ARHGEF10L: variants seen among roughly 807,000 people sequenced by gnomAD.
ARHGEF10L encodes the protein Rho guanine nucleotide exchange factor 10 like.
Under a neutral mutation model 141.2 loss-of-function variants are expected in ARHGEF10L, and 69 were observed. The observed-to-expected ratio is 0.49, with a 90% CI of 0.40 to 0.60. The LOEUF (loss-of-function observed/expected upper bound fraction) is 0.60, where lower values mean the gene tolerates loss of function less well. Ranked by LOEUF, ARHGEF10L falls within the 20% of genes least tolerant of loss-of-function variation. The pLI is 0.00. For missense variants in ARHGEF10L, 1,482 were observed against 1,734.3 expected (o/e 0.85, Z 2.58); for synonymous variants, 711 against 718.5 (o/e 0.99, Z 0.17).
chr1:17,564,714 C>T (rs1301354963), intron 1 of ARHGEF10L, among the ~76,000 whole-genome samples: 1 of 152,120 alleles, frequency 6.6e-6, no homozygotes, highest in African/African-American at 2.4e-5. Flanking sequence ...TGAGAGTGGC[C>T]CCTGTCTCAG....
chr1:17,636,779 A>G (rs181984522), intron 18 of ARHGEF10L, among the ~76,000 whole-genome samples: 1 of 152,194 alleles, frequency 6.6e-6, no homozygotes, highest in East Asian at 1.9e-4. Flanking sequence ...GACTCAGATA[A>G]TTATCTAAAT....
chr1:17,549,830 T>C (rs545696100), intron 1 of ARHGEF10L, among the ~76,000 whole-genome samples: 45 of 152,280 alleles, frequency 3.0e-4, no homozygotes, highest in Admixed American at 2.6e-3. Flanking sequence ...TATTCAAAAA[T>C]AATTTACCAA....
At chr1:17,636,872 A>C (rs909297043) in intron 18 of ARHGEF10L, among the ~76,000 whole-genome samples, 1 of 152,098 alleles carries the variant, frequency 6.6e-6, no homozygotes, top group Non-Finnish European at 1.5e-5. Context: ...TAGAGAATAC[A>C]GTCCAAATTC....
At chr1:17,631,146 C>T (rs965821669) in intron 15 of ARHGEF10L, among the ~76,000 whole-genome samples, 1 of 151,826 alleles carries the variant, frequency 6.6e-6, no homozygotes, top group South Asian at 2.1e-4. Context: ...CTTTTATGTC[C>T]CGGGGAGGCT....
chr1:17,533,965 CT>C, the ARHGEF10L span, among the ~76,000 whole-genome samples: 34 of 146,538 alleles, frequency 2.3e-4, no homozygotes, highest in African/African-American at 5.2e-4. Context: ...TCTTCTTCTT[CT>C]TTTTTTTTTT....
At chr1:17,631,538 G>A (rs2060691740) in intron 15 of ARHGEF10L, among the ~76,000 whole-genome samples, 1 of 152,230 alleles carries the variant, frequency 6.6e-6, no homozygotes, top group African/African-American at 2.4e-5. Context: ...CCCTGCACAA[G>A]GCCACGCCTG....
rs185884015 is a variant in ARHGEF10L at position 17,606,356 on chromosome 1, C to T, written c.434-1446C>T. Among the ~76,000 whole-genome samples the T allele has an allele frequency of 4.8e-3, 735 of 151,696 alleles. 3 individuals carry two copies. Among genetic ancestry groups the T allele is most frequent in the African/African-American group, 0.016 (651 of 41,316 alleles). On this transcript the variant is annotated intron_variant, in intron 6 of 28. Transcript: ENST00000361221. The stretch of plus-strand genomic sequence containing the variant: ...TCACCCAGGCTGGAGTTCAGTGGCA[C>T]GGTCTCGGCTCACTGCAGCTTCCGC...
upstream of ARHGEF10L, among the ~76,000 whole-genome samples, chr1:17,538,698 A>T (rs1455960305): frequency 1.3e-5 from 2 of 151,854 alleles, no homozygotes; most frequent in Non-Finnish European, 1.5e-5. Flanking sequence ...GTAGTTAAAA[A>T]AAAAAAAAAA....
intron 4 of ARHGEF10L, among the ~76,000 whole-genome samples, chr1:17,590,337 C>T (rs1010164196): frequency 6.6e-6 from 1 of 152,034 alleles, no homozygotes; most frequent in African/African-American, 2.4e-5. Flanking sequence ...TCTAAGCAGT[C>T]GGTGGAATGT....
chr1:17,667,665 C>T (rs747392953), intron 26 of ARHGEF10L, among the ~76,000 whole-genome samples: 6 of 152,126 alleles, frequency 3.9e-5, no homozygotes, highest in Non-Finnish European at 8.8e-5. Context: ...GGAGGGGAAG[C>T]CAGAAATTAC....
In ARHGEF10L at chr1:17,615,573, TC is replaced by T. The variant is rs1306359074; in HGVS notation, c.727-519del. 1 of 152,866 alleles carries T rather than the reference TC, an allele frequency of 6.5e-6. No homozygotes were observed. Among genetic ancestry groups the T allele is most frequent in the Non-Finnish European group, 1.5e-5 (1 of 68,444 alleles). 9.5% of individuals were successfully genotyped at this position (152,866 alleles called of 1,614,324 possible). ...GATGGGATGGGGGTGTGCACACACC[TC>T]CTTTAGTTGCTCCTAAGGTCATGTT... On this transcript the variant is annotated intron_variant, in intron 8 of 28. Transcript: ENST00000361221. This position sits in a 1 kb window ranked among gnomAD's most constrained non-coding sequence, Gnocchi z 4.7.
In ARHGEF10L at chr1:17,546,748, G is replaced by A. The variant is rs146556371; in HGVS notation, c.-44+6798G>A. Among the ~76,000 whole-genome samples the A allele has an allele frequency of 3.8e-3, 573 of 152,304 alleles. 3 individuals carry two copies. Among genetic ancestry groups the A allele is most frequent in the Non-Finnish European group, 6.6e-3 (448 of 68,024 alleles). Reference sequence around the variant, plus strand: ...GCCCAGTCTGGTCATAGCTGGGTTTGTTACCTTGTGGCTCAGGGGCAAGGA... The same window carrying A: ...GCCCAGTCTGGTCATAGCTGGGTTTATTACCTTGTGGCTCAGGGGCAAGGA... On this transcript the variant is annotated intron_variant, in intron 1 of 28. Transcript: ENST00000361221.
At chr1:17,690,421 G>C (rs1405946098) in intron 27 of ARHGEF10L, among the ~76,000 whole-genome samples, 1 of 152,234 alleles carries the variant, frequency 6.6e-6, no homozygotes, top group Admixed American at 6.5e-5. Context: ...TCTCAAGCCA[G>C]CAGCGGTCCA....
At chr1:17,674,642 G>A (rs371370781) in intron 26 of ARHGEF10L, among the ~76,000 whole-genome samples, 3 of 152,230 alleles carry the variant, frequency 2.0e-5, no homozygotes, top group African/African-American at 4.8e-5. Context: ...ATGCCTGTGA[G>A]AGGGTGGGAA....
chr1:17,574,917 G>A (rs2078160248), intron 1 of ARHGEF10L, among the ~76,000 whole-genome samples: 1 of 152,190 alleles, frequency 6.6e-6, no homozygotes, highest in African/African-American at 2.4e-5. Flanking sequence ...GACAGGCAGA[G>A]GACACCAGGA....
chr1:17,579,278 C>T (rs565119801), intron 1 of ARHGEF10L, among the ~76,000 whole-genome samples: 15 of 152,320 alleles, frequency 9.8e-5, no homozygotes, highest in Non-Finnish European at 1.0e-4. Flanking sequence ...ACCTCAGCCT[C>T]CCAAAGTGCT....
rs1363268095 is a variant in ARHGEF10L, at chr1:17,634,900, C to T, written c.1811C>T (p.Ala604Val). ...GPKYVVKWNT[A>V]LPQVQVVEVG... ...AAGTATGTGGTGAAGTGGAACACGG[C>T]GCTGCCCCAGGTGCAGGTGGTGGAG... is the stretch of plus-strand genomic sequence containing the variant. The change falls in exon 18 of 29, where the codon GCG becomes GTG. Residue 604 changes from alanine (A) to valine (V), a missense_variant. Ala to Val is a moderately conservative substitution (Grantham distance 64). Coordinates refer to ENST00000361221, the MANE Select transcript of ARHGEF10L (RefSeq NM_018125.4). 9.3e-6 allele frequency: 15 copies of T among 1,613,950 alleles called. No homozygotes were observed. Among genetic ancestry groups the T allele is most frequent in the Admixed American group, 6.7e-5 (4 of 59,984 alleles).
At chr1:17,575,803 G>A (rs1213591838) in intron 1 of ARHGEF10L, among the ~76,000 whole-genome samples, 4 of 152,252 alleles carry the variant, frequency 2.6e-5, no homozygotes, top group Non-Finnish European at 4.4e-5. Context: ...ACACAGGTAC[G>A]TGGAGGAGTT....
Position 17,639,053 on chromosome 1 carries a change from A to G in ARHGEF10L, c.2171+364A>G, listed in dbSNP as rs1050852447. ...CCCTGGGTTTCCTCTCTCTGGACCC[A>G]GCCTCCCCCCAGCACCACCTTAGCC... On this transcript the variant is annotated intron_variant, in intron 20 of 28. Transcript: ENST00000361221. This position sits in a 1 kb window ranked among gnomAD's most constrained non-coding sequence, Gnocchi z 4.3. 3.9e-5 allele frequency among the ~76,000 whole-genome samples: 6 copies of G among 151,980 alleles called. No homozygotes were observed. Among genetic ancestry groups the G allele is most frequent in the Non-Finnish European group, 8.8e-5 (6 of 67,978 alleles).
Sources: allele counts gnomAD v4.1 joint callset (sites outside exome capture counted in the v4.1 genomes callset), GRCh38; gene constraint gnomAD v4.1.1; non-coding constraint Gnocchi (gnomAD v3.1); transcripts MANE v1.5; gene names NCBI Gene and HGNC (gene_info 2026-07-23, HGNC 2026-07-21).